The following PRSS54 variants were observed in gnomAD, a reference collection of about 807,000 sequenced individuals.
The protein encoded by PRSS54 is inactive serine protease 54.
Under a neutral mutation model 19.9 loss-of-function variants are expected in PRSS54, and 16 were observed. The observed-to-expected ratio is 0.80, with a 90% CI of 0.54 to 1.22. PRSS54 has a LOEUF of 1.22. Ranked by LOEUF, PRSS54 falls within the 50% of genes most tolerant of loss-of-function variation. The pLI is 0.00. For synonymous variants in PRSS54, 177 were observed against 195.8 expected, an observed-to-expected ratio of 0.90 and a Z score of 0.80; for missense variants, 444 against 494.8, an observed-to-expected ratio of 0.90 and a Z score of 0.97.
At chr16:58,281,017 G>T in intron 6 of PRSS54, 1 of 456,350 alleles carries the variant, frequency 2.2e-6, no homozygotes, top group Non-Finnish European at 3.9e-6. Context: ...TCATTTTCTT[G>T]CCCCTTTCCA....
intron 4 of PRSS54, among the ~76,000 whole-genome samples, chr16:58,286,661 T>C (rs572507081): frequency 8.1e-4 from 123 of 152,272 alleles, no homozygotes; most frequent in Non-Finnish European, 1.6e-3. Flanking sequence ...CTAATGACAA[T>C]AGAATTGAGT....
chr16:58,280,877 G>A, intron 6 of PRSS54, 120 bp from the exon 7 acceptor site: 2 of 899,448 alleles, frequency 2.2e-6, no homozygotes, highest in East Asian at 5.2e-5. Context: ...CTGGAAATGG[G>A]GCAAATTATA....
chr16:58,284,250 T>TA (rs1227732110), intron 6 of PRSS54, among the ~76,000 whole-genome samples: 1 of 152,174 alleles, frequency 6.6e-6, no homozygotes, highest in Non-Finnish European at 1.5e-5. Flanking sequence ...CTAGGTTCCC[T>TA]AGAAGCTGAA....
At chr16:58,288,141 C>T (rs553417610) in intron 4 of PRSS54, among the ~76,000 whole-genome samples, 2 of 152,240 alleles carry the variant, frequency 1.3e-5, no homozygotes, top group Admixed American at 1.3e-4. Flanking sequence ...AAAACTCTGT[C>T]TTGGCCATGC....
Position 58,280,714 on chromosome 16 carries a change from T to C in PRSS54, c.698A>G (p.Asp233Gly). The change falls in exon 7 of 7, where the codon GAT becomes GGT. Residue 233 changes from aspartate to glycine, a missense_variant. Asp to Gly is a moderately conservative substitution (Grantham distance 94, BLOSUM62 -1). Transcript: ENST00000567164. Reference protein sequence around the residue: ...SPMMCQLQQFDLWVLRGVLNF... With the variant: ...SPMMCQLQQFGLWVLRGVLNF... The stretch of plus-strand genomic sequence containing the variant: ...CAGGACTCCTCTCAGAACCCACAGA[T>C]CGAACTGCTGTAGCTGGCACATCAT... 6.2e-7 allele frequency: 1 copy of C among 1,613,718 alleles called. No homozygotes were observed. The highest frequency in any genetic ancestry group is 2.2e-5 in the East Asian group (1 of 44,874).
intron 6 of PRSS54, chr16:58,281,695 C>G (rs1432795913): frequency 6.6e-6 from 1 of 152,276 alleles, no homozygotes. Flanking sequence ...ACATGTTGCT[C>G]TCGCAGTTTG....
At chr16:58,290,853 C>A in intron 4 of PRSS54, 106 bp downstream of exon 4, 1 of 1,254,472 alleles carries the variant, frequency 8.0e-7, no homozygotes, top group South Asian at 1.4e-5. Context: ...AAGCCCTGTC[C>A]CCCCAGAATG....
Position 58,294,153 on chromosome 16 carries a change from GGCTGCTTTTT to G in PRSS54, c.-185_-176del, listed in dbSNP as rs1965098448. ...CCCAGAGAGTTGGGTCTCTGAAAAGGGCTGCTTTTTGACTCGTGGAATTCAACCCTTGCCT... is the reference window on the plus strand; with the variant it reads ...CCCAGAGAGTTGGGTCTCTGAAAAGGGACTCGTGGAATTCAACCCTTGCCT... On this transcript the variant is annotated 5_prime_UTR_variant, in exon 2 of 7. It removes the in-frame stop codon of an upstream open reading frame in the 5' UTR. Coordinates refer to ENST00000567164, the MANE Select transcript of PRSS54 (RefSeq NM_001305173.2). The G allele has an allele frequency of 3.6e-6, 1 of 281,354 alleles. No homozygotes were observed. The highest frequency in any genetic ancestry group is 2.1e-5 in the African/African-American group (1 of 47,054). The allele number at this position is 281,354 out of a possible 1,614,324, so 17.4% of individuals were successfully genotyped here. A position where few individuals can be genotyped will look rare whatever the true frequency, so the allele number is the denominator to read the frequency against.
At chr16:58,284,180 G>A (rs534936003) in intron 6 of PRSS54, among the ~76,000 whole-genome samples, 6 of 152,088 alleles carry the variant, frequency 3.9e-5, no homozygotes, top group Non-Finnish European at 5.9e-5. Flanking sequence ...CCTCATCTGG[G>A]TGGAGGGCAG....
intron 1 of PRSS54, 133 bp downstream of exon 1, chr16:58,294,754 G>A (rs1341996048): frequency 6.6e-6 from 1 of 152,144 alleles, no homozygotes; most frequent in African/African-American, 2.4e-5. Flanking sequence ...GTAGGAAGTA[G>A]ACACTCGAGT....
At chr16:58,293,606 A>G in intron 3 of PRSS54, 126 bp downstream of exon 3, 1 of 1,508,452 alleles carries the variant, frequency 6.6e-7, no homozygotes, top group Non-Finnish European at 8.9e-7. Flanking sequence ...CGCCCGGTGC[A>G]AAGTGCCGTG....
intron 3 of PRSS54, among the ~76,000 whole-genome samples, chr16:58,293,181 C>T (rs1057491937): frequency 9.9e-5 from 15 of 151,982 alleles, no homozygotes; most frequent in African/African-American, 2.4e-4. Flanking sequence ...CGGGCTGGGA[C>T]GGCAGCAAGG....
chr16:58,285,988 T>C lies in PRSS54; in HGVS notation c.471A>G (p.Thr157=). The C allele has an allele frequency of 6.2e-7, 1 of 1,614,126 alleles. No homozygotes were observed. The highest frequency in any genetic ancestry group is 8.5e-7 in the Non-Finnish European group (1 of 1,180,030). The change falls in exon 5 of 7, where the codon ACA becomes ACG. Residue 157 remains threonine, a synonymous_variant. Transcript: ENST00000567164. Reference sequence around the variant, plus strand: ...CCCAGCAGTTCTGCAAGACTGGTGGTGTATGCAGCATTCTGCCGAGGAAGC... The same window carrying C: ...CCCAGCAGTTCTGCAAGACTGGTGGCGTATGCAGCATTCTGCCGAGGAAGC... The part of the protein sequence containing the change: ...SICFLGRMLH[T]PPVLQNCWVS...
chr16:58,284,620 G>A lies in PRSS54; in HGVS notation c.624C>T (p.His208=), dbSNP rs756893411. The change falls in exon 6 of 7, where the codon CAC becomes CAT. Residue 208 remains histidine, a synonymous_variant. Transcript: ENST00000567164. ...YKLQKTECGS[H]TKEETKTACL... Reference sequence around the variant, plus strand: ...AGGCAGTCTTGGTTTCCTCTTTCGTGTGGCTGCCGCATTCTGTCTTCTGGA... The same window carrying A: ...AGGCAGTCTTGGTTTCCTCTTTCGTATGGCTGCCGCATTCTGTCTTCTGGA... 1.2e-6 allele frequency: 2 copies of A among 1,614,040 alleles called. No individual in the cohort carries two copies. Among genetic ancestry groups the A allele is most frequent in the South Asian group, 2.2e-5 (2 of 91,072 alleles).
rs774003557 is a variant in PRSS54, at chr16:58,284,661, A to G, written c.583T>C (p.Cys195Arg). 6.2e-7 allele frequency: 1 copy of G among 1,614,116 alleles called. No homozygotes were observed. Among genetic ancestry groups the G allele is most frequent in the South Asian group, 1.1e-5 (1 of 91,070 alleles). The change falls in exon 6 of 7, where the codon TGT (cysteine) becomes CGT (arginine). Residue 195 changes from cysteine to arginine, a missense_variant. Transcript: ENST00000567164. ...RKIFVKDLDM[C>R]PLYKLQKTEC... is the part of the protein sequence containing the mutation. ...GTCTTCTGGAGTTTGTATAGGGGAC[A>G]CATGTCAAGATCTTTCACGAAGATT...
Position 58,280,186 on chromosome 16 carries a change from CT to C in PRSS54, c.*37del. 1.9e-6 allele frequency: 3 copies of C among 1,564,050 alleles called. No homozygotes were observed. The highest frequency in any genetic ancestry group is 2.6e-6 in the Non-Finnish European group (3 of 1,154,092). On this transcript the variant is annotated 3_prime_UTR_variant, in exon 7 of 7. Transcript: ENST00000567164. Reference sequence around the variant, plus strand: ...TGGTGAATGCCTGGCACTCAGCATTCTCAGTTTACTCTTCAGTTTGGTGGGG... The same window carrying C: ...TGGTGAATGCCTGGCACTCAGCATTCCAGTTTACTCTTCAGTTTGGTGGGG...
Position 58,280,018 on chromosome 16 carries a change from G to C in PRSS54, c.*206C>G, listed in dbSNP as rs974769621. On this transcript the variant is annotated 3_prime_UTR_variant, in exon 7 of 7. Transcript: ENST00000567164. Reference sequence around the variant, plus strand: ...CTAATGGTTTGACACTTGTTAGCCAGCATTTAGTTCACAAGCATAGTGAAA... The same window carrying C: ...CTAATGGTTTGACACTTGTTAGCCACCATTTAGTTCACAAGCATAGTGAAA... 8 of 628,690 alleles carry C rather than the reference G, an allele frequency of 1.3e-5. No homozygotes were observed. The highest frequency in any genetic ancestry group is 2.9e-5 in the Admixed American group (1 of 33,940). 38.9% of individuals were successfully genotyped at this position (628,690 alleles called of 1,614,324 possible).
At chr16:58,293,583 C>A (rs1340512099) in intron 3 of PRSS54, 149 bp downstream of exon 3, 16 of 1,477,450 alleles carry the variant, frequency 1.1e-5, no homozygotes, top group Non-Finnish European at 1.3e-5. Flanking sequence ...TGGTTCCTGC[C>A]ACCAATGCAG....
At position 58,293,813 on chromosome 16, in the gene PRSS54, C is replaced by A. The variant is rs1411523114; in HGVS notation, c.4G>T (p.Val2Leu). 2 of 1,612,344 alleles carry A rather than the reference C, an allele frequency of 1.2e-6. No homozygotes were observed. Among genetic ancestry groups the A allele is most frequent in the African/African-American group, 1.3e-5 (1 of 74,896 alleles). ...TCCCCAGAGAGACCCGCCGCGGACA[C>A]CATGGGCAGCTGGGGAAACAAAACC... The part of the protein sequence containing the change: M[V>L]SAAGLSGDGK... Residue 2 changes from valine to leucine, a missense_variant, in exon 3 of 7, where the codon GTG becomes TTG. By Grantham distance (32) the Val-to-Leu change is conservative (BLOSUM62 1). Coordinates refer to ENST00000567164, the MANE Select transcript of PRSS54 (RefSeq NM_001305173.2).
Sources: gnomAD v4.1 joint callset for allele counts (sites outside exome capture counted in the v4.1 genomes callset) on GRCh38, gnomAD v4.1.1 for gene constraint, MANE v1.5 for transcripts, NCBI Gene and HGNC (gene_info 2026-07-23, HGNC 2026-07-21) for gene names.